The following MPP7 variants were observed in gnomAD, a reference collection of about 807,000 sequenced individuals.
MPP7 encodes the protein MAGUK p55 scaffold protein 7.
In MPP7, 60 loss-of-function variants were observed where a neutral mutation model predicts 76.5. The observed-to-expected ratio is 0.78, with a 90% confidence interval of 0.64 to 0.97. The LOEUF (loss-of-function observed/expected upper bound fraction) is 0.97, where lower values mean the gene tolerates loss of function less well. MPP7 is among the 50% of genes least tolerant of loss of function. The probability of loss-of-function intolerance (pLI) is 0.00; values close to 1 mark genes in which losing one functional copy is unlikely to be tolerated. For synonymous variants in MPP7, 237 were observed against 244.5 expected (o/e 0.97, Z 0.29); for missense variants, 641 against 694.0 (o/e 0.92, Z 0.86).
chr10:28,067,444 T>A (rs1381660329), intron 13 of MPP7, among the ~76,000 whole-genome samples: 2 of 152,226 alleles, frequency 1.3e-5, no homozygotes, highest in East Asian at 3.8e-4. Flanking sequence ...CTTGGGCATA[T>A]CTTTTTATAG....
chr10:28,311,445 G>T (rs1214115248), intron 2 of MPP7, among the ~76,000 whole-genome samples: 2 of 152,156 alleles, frequency 1.3e-5, no homozygotes, highest in African/African-American at 4.8e-5. Flanking sequence ...ACATAGTCAA[G>T]AACTTCTTAA....
At chr10:28,080,709 T>C (rs2133405537) in intron 12 of MPP7, among the ~76,000 whole-genome samples, 1 of 152,276 alleles carries the variant, frequency 6.6e-6, no homozygotes, top group East Asian at 1.9e-4. Flanking sequence ...ATATTTAAGA[T>C]TGGCCAACGG....
intron 3 of MPP7, among the ~76,000 whole-genome samples, chr10:28,168,587 C>T (rs111352983): frequency 0.12 from 18,733 of 151,984 alleles, 1,629 homozygotes; most frequent in African/African-American, 0.25. Context: ...GGTGTGATCT[C>T]AGCTCACTGC....
At chr10:28,105,202 T>C (rs997178767) in intron 11 of MPP7, among the ~76,000 whole-genome samples, 16 of 140,992 alleles carry the variant, frequency 1.1e-4, no homozygotes, top group Admixed American at 4.3e-4. Flanking sequence ...CAAAGCCAGG[T>C]AGGCAGAAAG....
intron 1 of MPP7, among the ~76,000 whole-genome samples, chr10:28,239,730 G>T (rs961844356): frequency 6.6e-6 from 1 of 152,030 alleles, no homozygotes; most frequent in African/African-American, 2.4e-5. Context: ...AGTAAAGGCA[G>T]TATAGCATAG....
chr10:28,193,379 A>G (rs918025331), intron 3 of MPP7, among the ~76,000 whole-genome samples: 14 of 151,880 alleles, frequency 9.2e-5, no homozygotes, highest in African/African-American at 3.4e-4. Context: ...CTGCTGGCTA[A>G]TTTTTTATGT....
intron 5 of MPP7, among the ~76,000 whole-genome samples, chr10:28,139,579 T>C (rs1307983018): frequency 6.6e-6 from 1 of 152,176 alleles, no homozygotes; most frequent in Non-Finnish European, 1.5e-5. Context: ...CGTTTCTGGA[T>C]ACAAGTTTTT....
intron 1 of MPP7, among the ~76,000 whole-genome samples, chr10:28,330,853 G>A (rs1424329846): frequency 1.3e-5 from 2 of 151,836 alleles, no homozygotes; most frequent in African/African-American, 4.8e-5. Context: ...AGAGTTGAGG[G>A]TCTCCCCATG....
intron 2 of MPP7, among the ~76,000 whole-genome samples, chr10:28,204,511 A>G (rs192671952): frequency 6.6e-6 from 1 of 152,176 alleles, no homozygotes; most frequent in East Asian, 1.9e-4. Context: ...AAATAAGTGC[A>G]TATAAAATGT....
intron 11 of MPP7, among the ~76,000 whole-genome samples, chr10:28,114,150 C>A (rs1238276520): frequency 6.6e-6 from 1 of 152,202 alleles, no homozygotes; most frequent in African/African-American, 2.4e-5. Flanking sequence ...GTGGCTCATG[C>A]CTATAATCCC....
chr10:28,183,405 G>T (rs781378483), intron 3 of MPP7, among the ~76,000 whole-genome samples: 4 of 152,132 alleles, frequency 2.6e-5, no homozygotes, highest in Non-Finnish European at 5.9e-5. Context: ...GCCAACTCAA[G>T]AACTTTTTAA....
chr10:28,100,892 G>GGA (rs920308667), intron 11 of MPP7, among the ~76,000 whole-genome samples: 8 of 151,968 alleles, frequency 5.3e-5, no homozygotes, highest in Non-Finnish European at 1.0e-4. Context: ...CCATAAAAAT[G>GGA]GAGAGAGAGA....
intron 11 of MPP7, among the ~76,000 whole-genome samples, chr10:28,101,848 C>T (rs1393289540): frequency 1.3e-5 from 2 of 151,728 alleles, no homozygotes; most frequent in Non-Finnish European, 2.9e-5. Flanking sequence ...GTTCGACCAT[C>T]GAGAAGCAAT....
chr10:28,270,403 G>A (rs1840283236), intron 1 of MPP7, among the ~76,000 whole-genome samples: 1 of 151,802 alleles, frequency 6.6e-6, no homozygotes, highest in Admixed American at 6.6e-5. Flanking sequence ...GGAGTAGGAG[G>A]AAGCCAGGGC....
Position 28,119,154 on chromosome 10 carries a change from C to A in MPP7, c.952+497G>T, listed in dbSNP as rs1315725502. ...TGTCTTTCTCTCATTTTCTTTTAAT[C>A]TAGTCTGGTAATAACTCCAAAGGGA... is the stretch of plus-strand genomic sequence containing the variant. On this transcript the variant is annotated intron_variant, in intron 11 of 16. Coordinates refer to ENST00000683449, the MANE Select transcript of MPP7 (RefSeq NM_001318170.2). 4.1e-6 allele frequency: 3 copies of A among 733,422 alleles called. No individual in the cohort carries two copies. The African/African-American group carries it at 5.8e-5, about 14-fold the overall frequency. The allele number at this position is 733,422 out of a possible 1,614,324, so 45.4% of individuals were successfully genotyped here. A position where few individuals can be genotyped will look rare whatever the true frequency, so the allele number is the denominator to read the frequency against.
rs764531837 is a variant in MPP7, at chr10:28,052,654, T to C, written c.*1411A>G. The C allele has an allele frequency of 4.6e-5, 7 of 152,638 alleles. No individual in the cohort carries two copies. The highest frequency in any genetic ancestry group is 1.0e-4 in the Non-Finnish European group (7 of 68,048). The allele number at this position is 152,638 out of a possible 1,614,324, so 9.5% of individuals were successfully genotyped here. A position where few individuals can be genotyped will look rare whatever the true frequency, so the allele number is the denominator to read the frequency against. On this transcript the variant is annotated 3_prime_UTR_variant, in exon 17 of 17. Transcript: ENST00000683449. ...CTTGACATACAATCAGTTTATTTTA[T>C]GAATAGCCCCGTTTGATATTTAAAA...
At chr10:28,333,398 G>A (rs1269636082) in intron 1 of MPP7, among the ~76,000 whole-genome samples, 1 of 152,146 alleles carries the variant, frequency 6.6e-6, no homozygotes, top group Non-Finnish European at 1.5e-5. Context: ...ACCCATCTCA[G>A]CCTCCCAAAG....
intron 6 of MPP7, among the ~76,000 whole-genome samples, chr10:28,127,019 C>T (rs1367326824): frequency 6.6e-6 from 1 of 152,154 alleles, no homozygotes; most frequent in Non-Finnish European, 1.5e-5. Flanking sequence ...GTATGAGGAA[C>T]TCCAAGTGAG....
At chr10:28,292,241 G>A (rs1474500128) in intron 1 of MPP7, among the ~76,000 whole-genome samples, 3 of 152,130 alleles carry the variant, frequency 2.0e-5, no homozygotes, top group Admixed American at 6.5e-5. Flanking sequence ...TGCAGTCTGC[G>A]ATGTTCACAC....
Sources: gnomAD v4.1 joint callset for allele counts (sites outside exome capture counted in the v4.1 genomes callset) on GRCh38, gnomAD v4.1.1 for gene constraint, MANE v1.5 for transcripts, NCBI Gene and HGNC (gene_info 2026-07-23, HGNC 2026-07-21) for gene names.